Variants in PLEKHA5 observed in about 807,000 individuals in gnomAD.
PLEKHA5 encodes pleckstrin homology domain containing A5.
Under a neutral mutation model 181.9 loss-of-function variants are expected in PLEKHA5, and 55 were observed. The ratio of observed to expected loss-of-function variants is 0.30; its 90% CI spans 0.24 to 0.38. The LOEUF (loss-of-function observed/expected upper bound fraction) is 0.38, where lower values mean the gene tolerates loss of function less well. PLEKHA5 is among the 10% of genes least tolerant of loss of function. The pLI is 1.00. For missense variants in PLEKHA5, 1,432 were observed against 1,549.5 expected (o/e 0.92, Z 1.27); for synonymous variants, 535 against 529.4 (o/e 1.01, Z -0.15).
intron 3 of PLEKHA5, among the ~76,000 whole-genome samples, chr12:19,167,257 A>T (rs2044608746): frequency 6.6e-6 from 1 of 152,156 alleles, no homozygotes; most frequent in Admixed American, 6.5e-5. Context: ...TTCAAAAGGG[A>T]TACTGAACAT....
intron 3 of PLEKHA5, among the ~76,000 whole-genome samples, chr12:19,227,248 T>C (rs2059826373): frequency 6.6e-6 from 1 of 152,018 alleles, no homozygotes; most frequent in African/African-American, 2.4e-5. Flanking sequence ...CCAACTTTCT[T>C]CCTATTGGAA....
chr12:19,320,323 TTA>T (rs1234241932), intron 17 of PLEKHA5, among the ~76,000 whole-genome samples: 1 of 152,128 alleles, frequency 6.6e-6, no homozygotes, highest in Non-Finnish European at 1.5e-5. Context: ...CAGCATATTA[TTA>T]TGTTTAACAA....
rs2059889964 is a variant in PLEKHA5, at chr12:19,227,677, A to G, written c.228-26263A>G. Among the ~76,000 whole-genome samples the G allele has an allele frequency of 2.6e-5, 4 of 152,280 alleles. No individual in the cohort carries two copies. The South Asian group carries it at 8.3e-4, about 32-fold the overall frequency. The stretch of plus-strand genomic sequence containing the variant: ...GTGCCTAATTAACATGCCTGTACCT[A>G]GTTGCAAGGGAAGCCAGGAAATGTA... On this transcript the variant is annotated intron_variant, in intron 3 of 31. Coordinates refer to ENST00000429027, the MANE Select transcript of PLEKHA5 (RefSeq NM_001256470.2).
Position 19,274,799 on chromosome 12 carries a change from T to C in PLEKHA5, c.1129T>C (p.Leu377=). 1 of 1,614,140 alleles carries C rather than the reference T, an allele frequency of 6.2e-7. No homozygotes were observed. The highest frequency in any genetic ancestry group is 8.5e-7 in the Non-Finnish European group (1 of 1,180,036). ...AQTVHYRPIN[L]SSSENKIVNV... is the part of the protein sequence containing the mutation. ...GACTGTGCACTACAGACCAATCAAC[T>C]TGAGCAGTTCAGAGAACAAAATAGT... The change falls in exon 11 of 32, where the codon TTG becomes CTG. Residue 377 remains leucine (L), a synonymous_variant. Transcript: ENST00000429027.
intron 3 of PLEKHA5, among the ~76,000 whole-genome samples, chr12:19,220,648 G>C (rs1177454760): frequency 2.0e-5 from 3 of 152,078 alleles, no homozygotes; most frequent in African/African-American, 7.2e-5. Context: ...TTTTTGTGCT[G>C]CTTTTAAAAA....
chr12:19,165,584 A>G (rs1591884397), intron 3 of PLEKHA5, among the ~76,000 whole-genome samples: 1 of 152,138 alleles, frequency 6.6e-6, no homozygotes, highest in Non-Finnish European at 1.5e-5. Flanking sequence ...TGGCAGTGAT[A>G]GGCTCTTTGA....
At chr12:19,197,568 C>T (rs997906415) in intron 3 of PLEKHA5, among the ~76,000 whole-genome samples, 2 of 152,042 alleles carry the variant, frequency 1.3e-5, no homozygotes, top group African/African-American at 4.8e-5. Context: ...CACTTGTCTT[C>T]TCTGATAGAA....
intron 14 of PLEKHA5, among the ~76,000 whole-genome samples, chr12:19,291,070 T>C (rs2078314027): frequency 6.6e-6 from 1 of 152,204 alleles, no homozygotes; most frequent in South Asian, 2.1e-4. Flanking sequence ...GTACAATACT[T>C]CATGTACGCA....
intron 2 of PLEKHA5, among the ~76,000 whole-genome samples, chr12:19,131,275 C>T (rs1261774932): frequency 6.6e-6 from 1 of 152,168 alleles, no homozygotes; most frequent in Non-Finnish European, 1.5e-5. Context: ...TTGAACAAAC[C>T]TGCCTCTCTG....
At chr12:19,181,546 G>A (rs1190714892) in intron 3 of PLEKHA5, among the ~76,000 whole-genome samples, 4 of 152,268 alleles carry the variant, frequency 2.6e-5, no homozygotes, top group East Asian at 1.9e-4. Flanking sequence ...AGGCCTAGGC[G>A]GGTGGATCAC....
At chr12:19,132,343 A>AT (rs1354783976) in intron 2 of PLEKHA5, 50 bp from the exon 3 acceptor site, 1 of 881,534 alleles carries the variant, frequency 1.1e-6, no homozygotes, top group African/African-American at 1.7e-5. Flanking sequence ...ATTGAGACTT[A>AT]TTTTGCTATC....
intron 15 of PLEKHA5, among the ~76,000 whole-genome samples, chr12:19,305,735 C>T (rs1040878161): frequency 6.6e-6 from 1 of 151,690 alleles, no homozygotes; most frequent in African/African-American, 2.4e-5. Context: ...TGGCACATGC[C>T]TGTAATCCCA....
intron 10 of PLEKHA5, among the ~76,000 whole-genome samples, chr12:19,271,958 A>G (rs2072975540): frequency 6.6e-6 from 1 of 152,238 alleles, no homozygotes; most frequent in Non-Finnish European, 1.5e-5. Context: ...GAAAGTAAGT[A>G]TAGAGAGATT....
At position 19,283,613 on chromosome 12, in the gene PLEKHA5, A is replaced by G. The variant is rs145211578; in HGVS notation, c.1647A>G (p.Thr549=). 2.9e-4 allele frequency: 470 copies of G among 1,613,860 alleles called. No individual in the cohort carries two copies. The highest frequency in any genetic ancestry group is 3.8e-4 in the Non-Finnish European group (452 of 1,179,932). The change falls in exon 12 of 32, where the codon ACA becomes ACG. Residue 549 remains threonine (T), a synonymous_variant. Coordinates refer to ENST00000429027, the MANE Select transcript of PLEKHA5 (RefSeq NM_001256470.2). ...ACCAGACAATGCACTCTATTCCCAC[A>G]TCACCTTCCCACGGGTCAATAGCTG... is the stretch of plus-strand genomic sequence containing the variant. ...ISDQTMHSIP[T]SPSHGSIAAY...
intron 3 of PLEKHA5, among the ~76,000 whole-genome samples, chr12:19,222,982 A>G (rs1338805397): frequency 6.8e-6 from 1 of 147,952 alleles, no homozygotes; most frequent in Non-Finnish European, 1.5e-5. Context: ...GAAACAATAG[A>G]TGTGAGTGAA....
Position 19,283,282 on chromosome 12 carries a change from T to C in PLEKHA5, c.1316T>C (p.Val439Ala), listed in dbSNP as rs537346876. The C allele has an allele frequency of 1.3e-6, 2 of 1,576,044 alleles. No homozygotes were observed. The highest frequency in any genetic ancestry group is 4.5e-5 in the East Asian group (2 of 44,120). The change falls in exon 12 of 32, where the codon GTA (valine) becomes GCA (alanine). Residue 439 changes from valine to alanine, a missense_variant and splice_region_variant. This residue lies in a region of PLEKHA5 where 1,143 missense variants were observed against 1,168.4 expected (regional missense o/e 0.98). Coordinates refer to ENST00000429027, the MANE Select transcript of PLEKHA5 (RefSeq NM_001256470.2). ...GRGHEEETRG[V>A]ISYQTLPRNM... The stretch of plus-strand genomic sequence containing the variant: ...TTTTAATTATTTTTTTATTTTAGAG[T>C]AATTTCTTACCAAACATTACCAAGA...
intron 12 of PLEKHA5, among the ~76,000 whole-genome samples, chr12:19,284,176 C>T (rs1772714087): frequency 6.6e-6 from 1 of 152,282 alleles, no homozygotes; most frequent in East Asian, 1.9e-4. Context: ...TCAAGCGATT[C>T]TCCTTCCTCA....
intron 3 of PLEKHA5, among the ~76,000 whole-genome samples, chr12:19,241,542 A>ATC (rs1221497439): frequency 6.6e-6 from 1 of 152,182 alleles, no homozygotes. Flanking sequence ...GGATCACTTG[A>ATC]GGCTAGGAGT....
chr12:19,341,691 T>C (rs1356124138), intron 21 of PLEKHA5, among the ~76,000 whole-genome samples: 1 of 152,150 alleles, frequency 6.6e-6, no homozygotes, highest in Admixed American at 6.6e-5. Context: ...TTTTTAATCT[T>C]TTGATCAACT....
Sources: allele counts gnomAD v4.1 joint callset (sites outside exome capture counted in the v4.1 genomes callset), GRCh38; gene constraint gnomAD v4.1.1; regional missense constraint gnomAD v4.1.1; transcripts MANE v1.5; gene names NCBI Gene and HGNC (gene_info 2026-07-23, HGNC 2026-07-21).